The following ASTN1 variants were observed in gnomAD, a reference collection of about 807,000 sequenced individuals.
ASTN1 encodes the protein astrotactin 1.
Under a neutral mutation model 140.7 loss-of-function variants are expected in ASTN1, and 41 were observed. The observed-to-expected ratio is 0.29, with a 90% CI of 0.23 to 0.38. The LOEUF (loss-of-function observed/expected upper bound fraction) is 0.38. ASTN1 is among the 10% of genes least tolerant of loss of function. The pLI, the probability that ASTN1 is intolerant of heterozygous loss-of-function variation, is 1.00. For missense variants in ASTN1, 1,479 were observed against 1,678.8 expected, an observed-to-expected ratio of 0.88 and a Z score of 2.08; for synonymous variants, 640 against 652.2, an observed-to-expected ratio of 0.98 and a Z score of 0.29.
Position 176,949,235 on chromosome 1 carries a change from C to T in ASTN1, c.2004G>A (p.Met668Ile), listed in dbSNP as rs773671158. 2.5e-6 allele frequency: 4 copies of T among 1,613,990 alleles called. No individual in the cohort carries two copies. Among genetic ancestry groups the T allele is most frequent in the Non-Finnish European group, 3.4e-6 (4 of 1,180,036 alleles). The change falls in exon 12 of 23, where the codon ATG (methionine) becomes ATA (isoleucine). Residue 668 changes from methionine (M) to isoleucine (I), a missense_variant. Met to Ile is a conservative substitution (Grantham distance 10, BLOSUM62 1). Transcript: ENST00000361833. ...GGCEQLCLQQ[M>I]APFPDDPTLY... The stretch of plus-strand genomic sequence containing the variant: ...AGGTGGGGTCGTCCGGGAAGGGCGC[C>T]ATCTGCTGGAGGCACAGCTGCTCAC...
At chr1:177,137,731 T>C (rs963520360) in intron 1 of ASTN1, among the ~76,000 whole-genome samples, 1 of 152,210 alleles carries the variant, frequency 6.6e-6, no homozygotes, top group Non-Finnish European at 1.5e-5. Context: ...CAATGATAGC[T>C]GTCCAGCCAA....
At chr1:176,874,012 A>T (rs961862020) in intron 21 of ASTN1, among the ~76,000 whole-genome samples, 7 of 152,086 alleles carry the variant, frequency 4.6e-5, no homozygotes, top group Non-Finnish European at 8.8e-5. Context: ...ATCATGCTGC[A>T]TCCCCTCCAC....
At chr1:177,069,694 C>T (rs1678542554) in intron 1 of ASTN1, among the ~76,000 whole-genome samples, 1 of 152,050 alleles carries the variant, frequency 6.6e-6, no homozygotes, top group Admixed American at 6.6e-5. Context: ...AAAAATGCAG[C>T]CAAAAGGTTC....
chr1:177,086,078 G>T (rs1380413173), intron 1 of ASTN1, among the ~76,000 whole-genome samples: 1 of 152,112 alleles, frequency 6.6e-6, no homozygotes, highest in Non-Finnish European at 1.5e-5. Context: ...AAAGGAAAAA[G>T]TGCTTCAAAC....
At chr1:177,134,983 G>A (rs1443742804) in intron 1 of ASTN1, among the ~76,000 whole-genome samples, 4 of 152,066 alleles carry the variant, frequency 2.6e-5, no homozygotes, top group Admixed American at 6.5e-5. Flanking sequence ...GAAGGCACAG[G>A]TCTCCTCTCT....
intron 1 of ASTN1, among the ~76,000 whole-genome samples, chr1:177,070,882 G>T (rs1164566844): frequency 6.6e-6 from 1 of 152,140 alleles, no homozygotes; most frequent in Admixed American, 6.6e-5. Context: ...TACAAACAAA[G>T]TGCTTAGCAG....
intron 5 of ASTN1, among the ~76,000 whole-genome samples, chr1:177,028,801 G>A (rs1676266449): frequency 6.6e-6 from 1 of 152,232 alleles, no homozygotes; most frequent in Non-Finnish European, 1.5e-5. Flanking sequence ...AAAGCTCTAT[G>A]TTCTACGCAC....
intron 2 of ASTN1, among the ~76,000 whole-genome samples, chr1:177,048,398 A>G (rs6671041): frequency 0.08 from 12,137 of 152,236 alleles, 1,013 homozygotes; most frequent in African/African-American, 0.21. Context: ...CCATCCTACC[A>G]GAAAGTTCCC....
At chr1:177,030,663 G>T in intron 4 of ASTN1, 143 bp downstream of exon 4, 2 of 1,116,126 alleles carry the variant, frequency 1.8e-6, no homozygotes, top group Non-Finnish European at 2.5e-6. Context: ...TTGGTAAGTA[G>T]CATTTAACTG....
chr1:177,111,289 CA>C (rs1396821942), intron 1 of ASTN1, among the ~76,000 whole-genome samples: 3 of 152,066 alleles, frequency 2.0e-5, no homozygotes, highest in Non-Finnish European at 4.4e-5. Flanking sequence ...GGACTAATTC[CA>C]AAGACTGTTT....
chr1:176,882,706 A>G (rs1668856476), intron 20 of ASTN1, among the ~76,000 whole-genome samples, 153 bp downstream of exon 20: 1 of 152,184 alleles, frequency 6.6e-6, no homozygotes, highest in African/African-American at 2.4e-5. Context: ...TAAGTACTCG[A>G]GAACATTCTC....
intron 16 of ASTN1, among the ~76,000 whole-genome samples, chr1:176,914,562 C>A (rs747787918): frequency 1.3e-5 from 2 of 152,186 alleles, no homozygotes; most frequent in African/African-American, 2.4e-5. Context: ...TCCTGAAGAA[C>A]CAGTCCAGGA....
chr1:177,104,433 T>C (rs1462986837), intron 1 of ASTN1, among the ~76,000 whole-genome samples: 2 of 152,142 alleles, frequency 1.3e-5, no homozygotes, highest in Non-Finnish European at 2.9e-5. Flanking sequence ...AGTCCCTTAA[T>C]AATTTATTCA....
chr1:177,119,414 A>G (rs911683032), intron 1 of ASTN1, among the ~76,000 whole-genome samples: 1 of 152,190 alleles, frequency 6.6e-6, no homozygotes, highest in African/African-American at 2.4e-5. Context: ...AACTTCCCCT[A>G]TAATATTCTC....
chr1:176,866,999 AATGTTTTCTAATATATAGCC>A (rs1307514942), intron 22 of ASTN1, among the ~76,000 whole-genome samples: 2 of 152,316 alleles, frequency 1.3e-5, no homozygotes, highest in African/African-American at 4.8e-5. Context: ...GAAACTACAC[AATGTTTTCTAATATATAGCC>A]ATGAAAGACT....
At chr1:176,882,171 T>C (rs916765349) in intron 20 of ASTN1, among the ~76,000 whole-genome samples, 1 of 152,252 alleles carries the variant, frequency 6.6e-6, no homozygotes, top group African/African-American at 2.4e-5. Flanking sequence ...ATGGCCATGA[T>C]ATAGTTCGCT....
At chr1:176,902,223 C>T (rs112935096) in intron 16 of ASTN1, among the ~76,000 whole-genome samples, 5 of 152,202 alleles carry the variant, frequency 3.3e-5, no homozygotes, top group Non-Finnish European at 7.3e-5. Context: ...TCCCTCCAAT[C>T]CCTGTTGACG....
chr1:176,976,888 C>A (rs1673385982), intron 8 of ASTN1: 1 of 152,250 alleles, frequency 6.6e-6, no homozygotes, highest in Non-Finnish European at 1.5e-5. Flanking sequence ...GGCAATGGAC[C>A]TGTGCAAATC....
chr1:177,140,465 T>C (rs1453530591), intron 1 of ASTN1, among the ~76,000 whole-genome samples: 1 of 152,204 alleles, frequency 6.6e-6, no homozygotes, highest in Non-Finnish European at 1.5e-5. Flanking sequence ...TACCACTTTA[T>C]GGGAAACAAG....
Sources: gnomAD v4.1 joint callset for allele counts (sites outside exome capture counted in the v4.1 genomes callset) on GRCh38, gnomAD v4.1.1 for gene constraint, MANE v1.5 for transcripts, NCBI Gene and HGNC (gene_info 2026-07-23, HGNC 2026-07-21) for gene names.